The following RASGEF1B variants were observed in gnomAD, a reference collection of about 807,000 sequenced individuals.
The protein encoded by RASGEF1B is ras-GEF domain-containing family member 1B.
In RASGEF1B, 30 loss-of-function variants were observed where a neutral mutation model predicts 65.7. The observed-to-expected ratio is 0.46, with a 90% CI of 0.34 to 0.62. The LOEUF is 0.62. RASGEF1B is among the 20% of genes least tolerant of loss of function. RASGEF1B has a pLI of 0.01. For synonymous variants in RASGEF1B, 175 were observed against 194.8 expected, an observed-to-expected ratio of 0.90 and a Z score of 0.85; for missense variants, 495 against 580.1, an observed-to-expected ratio of 0.85 and a Z score of 1.51.
intron 10 of RASGEF1B, among the ~76,000 whole-genome samples, chr4:81,439,044 C>T (rs1219805563): frequency 6.6e-6 from 1 of 152,106 alleles, no homozygotes; most frequent in African/African-American, 2.4e-5. Context: ...CTGCAGTAAA[C>T]ATATGTGTGC....
At chr4:81,465,292 T>TTTTTTCCATTTCATTTAAAATGAAAACA (rs1192304261) in intron 1 of RASGEF1B, among the ~76,000 whole-genome samples, 1 of 152,188 alleles carries the variant, frequency 6.6e-6, no homozygotes, top group African/African-American at 2.4e-5. Flanking sequence ...AAACAGACTC[T>TTTTTTCCATTTCATTTAAAATGAAAACA]GGTTTTAAAA....
At position 81,457,625 on chromosome 4, in the gene RASGEF1B, C is replaced by T. The variant is rs1188133358; in HGVS notation, c.178-4G>A. On this transcript the variant is annotated splice_polypyrimidine_tract_variant and splice_region_variant and intron_variant, in intron 2 of 13. Coordinates refer to ENST00000264400, the MANE Select transcript of RASGEF1B (RefSeq NM_152545.3). ...GGAAGGTAAATATGTATGTTCTCTG[C>T]AGCAACAGAAAAAAGTCATCATCGT... is the stretch of plus-strand genomic sequence containing the variant. The T allele has an allele frequency of 3.1e-6, 5 of 1,612,122 alleles. No homozygotes were observed. Among genetic ancestry groups the T allele is most frequent in the Admixed American group, 3.4e-5 (2 of 59,592 alleles).
At chr4:81,467,248 T>C (rs572143831) in intron 1 of RASGEF1B, among the ~76,000 whole-genome samples, 1 of 152,356 alleles carries the variant, frequency 6.6e-6, no homozygotes, top group Non-Finnish European at 1.5e-5. Context: ...TTGTCTTAGA[T>C]GCTGCTTAAA....
Position 81,450,533 on chromosome 4 carries a change from T to TTTGTTG in RASGEF1B, c.439-2255_439-2250dup, listed in dbSNP as rs3044364. The stretch of plus-strand genomic sequence containing the variant: ...AGTGTGTGCCACCATACCCAGCTAA[T>TTTGTTG]TTGTTGTTGTTGTTGTTGTTGATGC... On this transcript the variant is annotated intron_variant, in intron 4 of 13. Transcript: ENST00000264400. Among the ~76,000 whole-genome samples the TTTGTTG allele has an allele frequency of 7.9e-3, 1,192 of 150,970 alleles. 26 individuals are homozygous for TTTGTTG. Among genetic ancestry groups the TTTGTTG allele is most frequent in the African/African-American group, 0.028 (1,138 of 40,916 alleles).
intron 1 of RASGEF1B, among the ~76,000 whole-genome samples, chr4:81,463,752 C>T (rs963159932): frequency 1.3e-5 from 2 of 152,148 alleles, no homozygotes; most frequent in African/African-American, 4.8e-5. Flanking sequence ...AGTATCTTCC[C>T]TCTTGTTAAC....
At chr4:81,448,686 T>C (rs571910745) in intron 4 of RASGEF1B, among the ~76,000 whole-genome samples, 56 of 152,350 alleles carry the variant, frequency 3.7e-4, no homozygotes, top group South Asian at 1.0e-3. Context: ...TGCATCCTTT[T>C]CCTAAGGCTT....
At chr4:81,445,136 G>C (rs1721973026) in intron 8 of RASGEF1B, among the ~76,000 whole-genome samples, 1 of 152,192 alleles carries the variant, frequency 6.6e-6, no homozygotes, top group Non-Finnish European at 1.5e-5. Context: ...TGAACAGTTA[G>C]AAAATGTACC....
At chr4:81,436,273 C>T (rs1363138062) in intron 10 of RASGEF1B, among the ~76,000 whole-genome samples, 2 of 152,070 alleles carry the variant, frequency 1.3e-5, no homozygotes, top group Non-Finnish European at 2.9e-5. Flanking sequence ...TAAACCTAGC[C>T]TGTGTATGAT....
chr4:81,456,225 A>G (rs1578634482), intron 4 of RASGEF1B: 1 of 452,918 alleles, frequency 2.2e-6, no homozygotes, highest in Non-Finnish European at 3.9e-6. Flanking sequence ...ATTTCTATTT[A>G]TGATTTATTA....
At chr4:81,469,791 T>G (rs1375769421) in intron 1 of RASGEF1B, among the ~76,000 whole-genome samples, 1 of 152,104 alleles carries the variant, frequency 6.6e-6, no homozygotes, top group East Asian at 1.9e-4. Flanking sequence ...TTAGATGTGT[T>G]AGTATCAGAT....
rs747042189 is a variant in RASGEF1B at position 81,456,736 on chromosome 4, G to A, written c.353C>T (p.Thr118Met). The A allele has an allele frequency of 1.2e-5, 19 of 1,613,760 alleles. No homozygotes were observed. The highest frequency in any genetic ancestry group is 1.1e-4 in the East Asian group (5 of 44,872). Residue 118 changes from threonine to methionine, a missense_variant, in exon 4 of 14, where the codon ACG becomes ATG. Thr to Met is a moderately conservative substitution (Grantham distance 81, BLOSUM62 -1). Transcript: ENST00000264400. The part of the protein sequence containing the change: ...PKILQLLTEW[T>M]ETFPYDFRDE... ...CCGAAAATCATAGGGAAATGTTTCC[G>A]TCCATTCCGTGAGGAGTTGAAGGAT...
chr4:81,465,605 T>C (rs1722778884), intron 1 of RASGEF1B, among the ~76,000 whole-genome samples: 1 of 152,198 alleles, frequency 6.6e-6, no homozygotes, highest in Non-Finnish European at 1.5e-5. Flanking sequence ...TATGAATGGA[T>C]TTGAAAGGCA....
chr4:81,434,766 G>T (rs367711466), intron 10 of RASGEF1B, 32 bp from the exon 11 acceptor site: 2 of 1,112,414 alleles, frequency 1.8e-6, no homozygotes, highest in Non-Finnish European at 2.7e-6. Context: ...GGTTGGTCTG[G>T]GCAAACAAAT....
chr4:81,451,352 C>T (rs1722250653), intron 4 of RASGEF1B: 1 of 152,156 alleles, frequency 6.6e-6, no homozygotes, highest in Non-Finnish European at 1.5e-5. Flanking sequence ...TACTGGACTA[C>T]TGTATAGCAG....
At chr4:81,453,762 G>C (rs866316843) in intron 4 of RASGEF1B, 1 of 152,228 alleles carries the variant, frequency 6.6e-6, no homozygotes, top group Non-Finnish European at 1.5e-5. Flanking sequence ...CAAAGAACTG[G>C]AGGAAGGACA....
intron 4 of RASGEF1B, chr4:81,454,456 C>T (rs1215051471): frequency 6.6e-6 from 1 of 152,184 alleles, no homozygotes; most frequent in African/African-American, 2.4e-5. Context: ...ACTTAGGTCT[C>T]AGCCTTCATA....
At chr4:81,458,651 AG>A (rs1217032296) in intron 2 of RASGEF1B, among the ~76,000 whole-genome samples, 1 of 152,234 alleles carries the variant, frequency 6.6e-6, no homozygotes, top group Non-Finnish European at 1.5e-5. Context: ...AGCACAGGGA[AG>A]GGGGAAAAAG....
At chr4:81,464,659 C>T (rs1435934880) in intron 1 of RASGEF1B, among the ~76,000 whole-genome samples, 1 of 152,212 alleles carries the variant, frequency 6.6e-6, no homozygotes, top group East Asian at 1.9e-4. Context: ...AGTTTACAGA[C>T]CCCAGATTAA....
intron 4 of RASGEF1B, chr4:81,451,012 G>A (rs916660239): frequency 2.0e-5 from 3 of 152,108 alleles, no homozygotes; most frequent in Admixed American, 6.6e-5. Context: ...TACTCAGAAT[G>A]GCTAATAAAC....
Sources: allele counts gnomAD v4.1 joint callset (sites outside exome capture counted in the v4.1 genomes callset), GRCh38; gene constraint gnomAD v4.1.1; transcripts MANE v1.5; gene names NCBI Gene and HGNC (gene_info 2026-07-23, HGNC 2026-07-21).